Variants in INPP4B observed in about 807,000 individuals in gnomAD.
INPP4B encodes the protein inositol polyphosphate-4-phosphatase type II B.
INPP4B carries 55 observed loss-of-function variants against 122.5 expected under a neutral mutation model. That is an observed-to-expected ratio of 0.45 (90% CI 0.36 to 0.56). INPP4B has a LOEUF of 0.56. INPP4B is among the 20% of genes least tolerant of loss of function. The pLI, the probability that INPP4B is intolerant of heterozygous loss-of-function variation, is 0.00. For synonymous variants in INPP4B, 403 were observed against 388.7 expected, an observed-to-expected ratio of 1.04 and a Z score of -0.43; for missense variants, 1,000 against 1,097.7, an observed-to-expected ratio of 0.91 and a Z score of 1.26.
intron 25 of INPP4B, among the ~76,000 whole-genome samples, chr4:142,071,584 C>T (rs1431122699): frequency 2.0e-5 from 3 of 151,992 alleles, no homozygotes; most frequent in Admixed American, 6.6e-5. Flanking sequence ...TACAATCTAC[C>T]CATCTGACAA....
At chr4:142,617,324 T>C (rs1743927503) in intron 2 of INPP4B, among the ~76,000 whole-genome samples, 1 of 152,152 alleles carries the variant, frequency 6.6e-6, no homozygotes, top group East Asian at 1.9e-4. Flanking sequence ...AAGATGAACA[T>C]AGCTGACATA....
chr4:142,377,157 T>A (rs954878354), intron 7 of INPP4B, among the ~76,000 whole-genome samples: 2 of 151,848 alleles, frequency 1.3e-5, no homozygotes, highest in African/African-American at 4.8e-5. Flanking sequence ...AAAAAATTTT[T>A]AAAACAAATT....
At chr4:142,040,904 C>T (rs576102018) in intron 25 of INPP4B, among the ~76,000 whole-genome samples, 26 of 152,244 alleles carry the variant, frequency 1.7e-4, no homozygotes, top group Middle Eastern at 3.4e-3. Context: ...GACATTAACA[C>T]GTAAAATTAC....
At chr4:142,635,343 C>T (rs1748897221) in intron 2 of INPP4B, among the ~76,000 whole-genome samples, 1 of 152,160 alleles carries the variant, frequency 6.6e-6, no homozygotes, top group Admixed American at 6.6e-5. Context: ...TTTGACCCAG[C>T]AATCCCATTA....
At position 142,159,483 on chromosome 4, in the gene INPP4B, G is replaced by A. The variant is rs575650439; in HGVS notation, c.1563+875C>T. Among the ~76,000 whole-genome samples, 7 of 151,430 alleles carry A rather than the reference G, an allele frequency of 4.6e-5. No individual in the cohort carries two copies. In the South Asian group the frequency reaches 1.5e-3, roughly 31 times the overall value. On this transcript the variant is annotated intron_variant, in intron 17 of 25. Transcript: ENST00000262992. ...TTTCAGATAACATTTTTTTTTTTGAGAGGCCTGTGCCTTTCAAGTAATTTA... is the reference window on the plus strand; with the variant it reads ...TTTCAGATAACATTTTTTTTTTTGAAAGGCCTGTGCCTTTCAAGTAATTTA...
At position 142,746,296 on chromosome 4, in the gene INPP4B, C is replaced by A. The variant is rs183178967; in HGVS notation, c.-253-20395G>T. 2.6e-5 allele frequency among the ~76,000 whole-genome samples: 4 copies of A among 151,982 alleles called. 1 individual carries two copies. The highest frequency in any genetic ancestry group is 1.3e-4 in the Admixed American group (2 of 15,260). ...AATTGCTACAAACAGAATAACATAC[C>A]TAGGAATATGACTTACAAGGGATGT... is the stretch of plus-strand genomic sequence containing the variant. On this transcript the variant is annotated intron_variant, in intron 1 of 25. Coordinates refer to ENST00000262992, the MANE Select transcript of INPP4B (RefSeq NM_001101669.3).
intron 7 of INPP4B, among the ~76,000 whole-genome samples, chr4:142,337,459 A>G (rs1180519700): frequency 6.6e-6 from 1 of 151,688 alleles, no homozygotes; most frequent in Non-Finnish European, 1.5e-5. Context: ...CTATACTTGA[A>G]ATTGTTAGAT....
chr4:142,108,234 A>G lies in INPP4B; in HGVS notation c.2277-44T>C, dbSNP rs778857774. 8 of 986,432 alleles carry G rather than the reference A, an allele frequency of 8.1e-6. No individual in the cohort carries two copies. In the Admixed American group the frequency reaches 1.3e-4, roughly 16 times the overall value. The allele number at this position is 986,432 out of a possible 1,614,324, so 61.1% of individuals were successfully genotyped here. The stretch of plus-strand genomic sequence containing the variant: ...AAACAGCTGTGGGTTATAAAACGGT[A>G]CCAAAAAGTAACACATTTTACCTTT... On this transcript the variant is annotated intron_variant, in intron 22 of 25. Transcript: ENST00000262992.
chr4:142,803,783 A>G (rs1561087150), intron 1 of INPP4B, among the ~76,000 whole-genome samples: 1 of 152,098 alleles, frequency 6.6e-6, no homozygotes, highest in South Asian at 2.1e-4. Flanking sequence ...ACTTATGACT[A>G]TCAATGTAAA....
chr4:142,278,318 G>C (rs962639709), intron 9 of INPP4B, among the ~76,000 whole-genome samples: 5 of 151,886 alleles, frequency 3.3e-5, no homozygotes, highest in Admixed American at 3.3e-4. Context: ...ACCTAGATTA[G>C]ACACAGCTTG....
At chr4:142,139,726 G>T (rs1806744962) in intron 18 of INPP4B, among the ~76,000 whole-genome samples, 1 of 152,202 alleles carries the variant, frequency 6.6e-6, no homozygotes, top group Non-Finnish European at 1.5e-5. Context: ...GAAGGTTGGG[G>T]TGCACTTTTA....
intron 25 of INPP4B, among the ~76,000 whole-genome samples, chr4:142,049,932 A>G (rs1323180560): frequency 6.6e-6 from 1 of 152,006 alleles, no homozygotes; most frequent in Admixed American, 6.6e-5. Context: ...ACAAAGTAGA[A>G]AGAAATATGA....
intron 1 of INPP4B, among the ~76,000 whole-genome samples, chr4:142,824,314 A>ATCTATCTATCTATC (rs70949192): frequency 8.6e-5 from 13 of 150,738 alleles, no homozygotes; most frequent in African/African-American, 3.0e-4. Flanking sequence ...CTGTCTATCT[A>ATCTATCTATCTATC]TCTATCTCTA....
intron 19 of INPP4B, 41 bp downstream of exon 19, chr4:142,124,547 T>A (rs1218605833): frequency 2.6e-6 from 4 of 1,547,552 alleles, no homozygotes; most frequent in Non-Finnish European, 8.9e-7. Flanking sequence ...ATGTTAACAA[T>A]CCGGCATTGT....
rs1836760101 is a variant in INPP4B, at chr4:142,193,252, C to T, written c.1073-57G>A. 5.0e-6 allele frequency: 5 copies of T among 995,430 alleles called. No individual in the cohort carries two copies. The South Asian group carries it at 6.8e-5, about 14-fold the overall frequency. 61.7% of individuals were successfully genotyped at this position (995,430 alleles called of 1,614,324 possible). On this transcript the variant is annotated intron_variant, in intron 14 of 25. Coordinates refer to ENST00000262992, the MANE Select transcript of INPP4B (RefSeq NM_001101669.3). The stretch of plus-strand genomic sequence containing the variant: ...TTTGCAAACATTTATCTCCGTCATG[C>T]TGTTTGCATTGAAGCATACCTATTG...
chr4:142,104,780 C>A (rs1300422135), intron 23 of INPP4B, among the ~76,000 whole-genome samples: 3 of 152,118 alleles, frequency 2.0e-5, no homozygotes, highest in Admixed American at 1.3e-4. Flanking sequence ...ATAACCTAAG[C>A]ACATCATCCC....
chr4:142,329,305 A>G (rs1440204110), intron 7 of INPP4B, among the ~76,000 whole-genome samples: 2 of 152,314 alleles, frequency 1.3e-5, no homozygotes, highest in South Asian at 2.1e-4. Flanking sequence ...ACTCAGGGAG[A>G]ATAGTATTTT....
intron 11 of INPP4B, among the ~76,000 whole-genome samples, chr4:142,244,328 C>G: frequency 8.3e-6 from 1 of 120,722 alleles, no homozygotes; most frequent in Admixed American, 1.0e-4. Context: ...GAGACAGAGT[C>G]TTGCTCTCTT....
At chr4:142,612,631 C>A (rs1482551869) in intron 2 of INPP4B, among the ~76,000 whole-genome samples, 2 of 151,978 alleles carry the variant, frequency 1.3e-5, no homozygotes, top group Non-Finnish European at 2.9e-5. Flanking sequence ...AAAGTAATGG[C>A]AAAACTGCAA....
Sources: allele counts gnomAD v4.1 joint callset (sites outside exome capture counted in the v4.1 genomes callset), GRCh38; gene constraint gnomAD v4.1.1; transcripts MANE v1.5; gene names NCBI Gene and HGNC (gene_info 2026-07-23, HGNC 2026-07-21).